BMP7: variants seen among roughly 807,000 people sequenced by gnomAD.
BMP7 encodes bone morphogenetic protein 7, also known as osteogenic protein 1.
Under a neutral mutation model 41.2 loss-of-function variants are expected in BMP7, and 12 were observed. The observed-to-expected ratio is 0.29, with a 90% CI of 0.19 to 0.47. BMP7 has a LOEUF of 0.47. Ranked by LOEUF, BMP7 falls within the 20% of genes least tolerant of loss-of-function variation. The pLI is 0.99. For missense variants in BMP7, 467 were observed against 606.0 expected (o/e 0.77, Z 2.41); for synonymous variants, 248 against 250.0 (o/e 0.99, Z 0.07).
chr20:57,249,421 G>C (rs1266905556), intron 1 of BMP7, among the ~76,000 whole-genome samples: 1 of 152,054 alleles, frequency 6.6e-6, no homozygotes, highest in Non-Finnish European at 1.5e-5. Flanking sequence ...CAGCCATATG[G>C]AGATACTGCA....
Position 57,174,955 on chromosome 20 carries a change from G to A in BMP7, c.1011C>T (p.Val337=). 6.2e-7 allele frequency: 1 copy of A among 1,612,260 alleles called. No homozygotes were observed. Among genetic ancestry groups the A allele is most frequent in the Admixed American group, 1.7e-5 (1 of 60,004 alleles). Residue 337 remains valine, a synonymous_variant, in exon 5 of 7, where the codon GTC becomes GTT. Transcript: ENST00000395863. The surrounding 1 kb of genome is among the most constrained non-coding windows in gnomAD (Gnocchi z 4.3). The part of the protein sequence containing the change: ...RQACKKHELY[V]SFRDLGWQDW... ...CCTGCCAGCCCAGGTCTCGGAAGCTGACATACAGCTCGTGCTTCTTACAGG... is the reference window on the plus strand; with the variant it reads ...CCTGCCAGCCCAGGTCTCGGAAGCTAACATACAGCTCGTGCTTCTTACAGG...
At chr20:57,187,763 C>A (rs1984251978) in intron 3 of BMP7, among the ~76,000 whole-genome samples, 1 of 152,154 alleles carries the variant, frequency 6.6e-6, no homozygotes, top group Admixed American at 6.5e-5. Context: ...CTCACCCCAG[C>A]CACTAAGATG....
At chr20:57,194,750 C>T (rs981764492) in intron 3 of BMP7, among the ~76,000 whole-genome samples, 1 of 152,260 alleles carries the variant, frequency 6.6e-6, no homozygotes, top group African/African-American at 2.4e-5. Flanking sequence ...TGTGACCCCA[C>T]ATTTACAAAG....
intron 1 of BMP7, among the ~76,000 whole-genome samples, chr20:57,231,843 G>A (rs1378456017): frequency 6.6e-6 from 1 of 152,264 alleles, no homozygotes; most frequent in Non-Finnish European, 1.5e-5. Flanking sequence ...AGCCTGAGCA[G>A]AGAAAGGGGC....
chr20:57,266,127 C>G lies in BMP7; in HGVS notation c.-5G>C. On this transcript the variant is annotated 5_prime_UTR_variant, in exon 1 of 7. Coordinates refer to ENST00000395863, the MANE Select transcript of BMP7 (RefSeq NM_001719.3). ...TCGCAGTGAGCGCACGTGCATCGCG[C>G]CGGCTCTACGCGCTACCCGGGCTCC... is the stretch of plus-strand genomic sequence containing the variant. The G allele has an allele frequency of 6.5e-7, 1 of 1,529,400 alleles. No individual in the cohort carries two copies. The highest frequency in any genetic ancestry group is 8.7e-7 in the Non-Finnish European group (1 of 1,143,384). The allele number at this position is 1,529,400 out of a possible 1,614,324, so 94.7% of individuals were successfully genotyped here.
chr20:57,246,136 C>T (rs1225497443), intron 1 of BMP7, among the ~76,000 whole-genome samples: 1 of 152,190 alleles, frequency 6.6e-6, no homozygotes, highest in Non-Finnish European at 1.5e-5. Context: ...CACAAGTGCT[C>T]TTGATTTCTG....
At chr20:57,182,747 C>A (rs1347716600) in intron 4 of BMP7, among the ~76,000 whole-genome samples, 1 of 152,272 alleles carries the variant, frequency 6.6e-6, no homozygotes, top group Non-Finnish European at 1.5e-5. Flanking sequence ...GGGCTAAAAG[C>A]TGTCTGCTTT....
chr20:57,173,152 A>C (rs965109180), intron 6 of BMP7, 48 bp downstream of exon 6: 2 of 1,570,962 alleles, frequency 1.3e-6, no homozygotes, highest in African/African-American at 2.7e-5. Flanking sequence ...GTGGCCCCGC[A>C]GCCTGCCCGG....
intron 1 of BMP7, among the ~76,000 whole-genome samples, chr20:57,235,130 T>G (rs920826521): frequency 2.6e-5 from 4 of 152,232 alleles, no homozygotes; most frequent in Non-Finnish European, 5.9e-5. Flanking sequence ...ATCACAGATG[T>G]GTTCTCTTCT....
At chr20:57,227,571 T>C (rs2123116752) in intron 2 of BMP7, among the ~76,000 whole-genome samples, 1 of 152,310 alleles carries the variant, frequency 6.6e-6, no homozygotes, top group East Asian at 1.9e-4. Context: ...GGTAGATGTC[T>C]GACAGCCTGC....
chr20:57,206,563 T>C (rs2123094326), intron 2 of BMP7, among the ~76,000 whole-genome samples: 1 of 152,294 alleles, frequency 6.6e-6, no homozygotes, highest in Non-Finnish European at 1.5e-5. Context: ...CGTGTTGTCA[T>C]CACAGCGTTG....
At chr20:57,264,587 C>A (rs1365143212) in intron 1 of BMP7, among the ~76,000 whole-genome samples, 1 of 152,200 alleles carries the variant, frequency 6.6e-6, no homozygotes, top group Non-Finnish European at 1.5e-5. Context: ...CGGCTCCAGT[C>A]GGAAACCGGG....
At chr20:57,255,526 G>T (rs957908633) in intron 1 of BMP7, among the ~76,000 whole-genome samples, 1 of 152,182 alleles carries the variant, frequency 6.6e-6, no homozygotes, top group African/African-American at 2.4e-5. Context: ...GGGGCCAGTT[G>T]CAGTGGCTCA....
Position 57,169,298 on chromosome 20 carries a change from G to A in BMP7, c.*1661C>T, listed in dbSNP as rs954134281. On this transcript the variant is annotated 3_prime_UTR_variant, in exon 7 of 7. Coordinates refer to ENST00000395863, the MANE Select transcript of BMP7 (RefSeq NM_001719.3). ...CGGGTTCCACATGGCCACAGTTTTCGATCACCTTGTTTTCTTTACAGATGC... is the reference window on the plus strand; with the variant it reads ...CGGGTTCCACATGGCCACAGTTTTCAATCACCTTGTTTTCTTTACAGATGC... 3 of 152,200 alleles carry A rather than the reference G, an allele frequency of 2.0e-5. No homozygotes were observed. The highest frequency in any genetic ancestry group is 4.4e-5 in the Non-Finnish European group (3 of 68,038). 9.4% of individuals were successfully genotyped at this position (152,200 alleles called of 1,614,324 possible).
rs1008303253 is a variant in BMP7 at position 57,224,063 on chromosome 20, G to T, written c.611+4166C>A. On this transcript the variant is annotated intron_variant, in intron 2 of 6. Coordinates refer to ENST00000395863, the MANE Select transcript of BMP7 (RefSeq NM_001719.3). This position sits in a 1 kb window ranked among gnomAD's most constrained non-coding sequence, Gnocchi z 4.8. ...GCTTCTCAGAAAGGCAGAAACTCAGGGCCCCCATCCCAGGGCTAGTCGAGG... is the reference window on the plus strand; with the variant it reads ...GCTTCTCAGAAAGGCAGAAACTCAGTGCCCCCATCCCAGGGCTAGTCGAGG... Among the ~76,000 whole-genome samples the T allele has an allele frequency of 3.3e-5, 5 of 152,248 alleles. No individual in the cohort carries two copies. Among genetic ancestry groups the T allele is most frequent in the African/African-American group, 1.2e-4 (5 of 41,564 alleles).
intron 1 of BMP7, among the ~76,000 whole-genome samples, chr20:57,243,635 C>T (rs1207966595): frequency 1.3e-5 from 2 of 152,088 alleles, no homozygotes; most frequent in Non-Finnish European, 2.9e-5. Flanking sequence ...AGCAAACACT[C>T]CCCACCAAGC....
intron 1 of BMP7, among the ~76,000 whole-genome samples, chr20:57,245,635 A>ATTTTT (rs565788005): frequency 8.4e-6 from 1 of 118,630 alleles, no homozygotes; most frequent in African/African-American, 3.5e-5. Context: ...GTGATTAGTG[A>ATTTTT]TTTTTTTTTT....
chr20:57,242,160 T>C (rs1265216905), intron 1 of BMP7, among the ~76,000 whole-genome samples: 1 of 152,190 alleles, frequency 6.6e-6, no homozygotes, highest in Non-Finnish European at 1.5e-5. Context: ...TGTCCTCCCC[T>C]CACTCCCATG....
intron 1 of BMP7, among the ~76,000 whole-genome samples, chr20:57,260,777 G>A (rs1462968501): frequency 1.3e-5 from 2 of 152,218 alleles, no homozygotes; most frequent in Non-Finnish European, 2.9e-5. Context: ...CCTAACCCCG[G>A]TGACAGTGCC....
Sources: allele counts gnomAD v4.1 joint callset (sites outside exome capture counted in the v4.1 genomes callset), GRCh38; gene constraint gnomAD v4.1.1; non-coding constraint Gnocchi (gnomAD v3.1); transcripts MANE v1.5; gene names NCBI Gene and HGNC (gene_info 2026-07-23, HGNC 2026-07-21).